Variants in GSK3B observed in about 807,000 individuals in gnomAD.
The protein encoded by GSK3B is glycogen synthase kinase-3 beta.
GSK3B carries 15 observed loss-of-function variants against 56.4 expected under a neutral mutation model. The ratio of observed to expected loss-of-function variants is 0.27; its 90% CI spans 0.18 to 0.41. GSK3B has a LOEUF of 0.41. Ranked by LOEUF, GSK3B falls within the 10% of genes least tolerant of loss-of-function variation. GSK3B has a pLI of 1.00. For missense variants in GSK3B, 300 were observed against 513.4 expected (o/e 0.58, Z 4.02); for synonymous variants, 181 against 188.9 (o/e 0.96, Z 0.34).
At chr3:119,990,339 C>A (rs940172415) in intron 2 of GSK3B, among the ~76,000 whole-genome samples, 1 of 152,122 alleles carries the variant, frequency 6.6e-6, no homozygotes, top group Non-Finnish European at 1.5e-5. Flanking sequence ...CACCCTAAAA[C>A]CAATATATAC....
At chr3:119,866,553 G>A (rs2056185197) in intron 8 of GSK3B, 2 of 1,391,562 alleles carry the variant, frequency 1.4e-6, no homozygotes, top group Non-Finnish European at 2.0e-6. Context: ...TTATAGACCT[G>A]CCCTGAAATT....
rs188653901 is a variant in GSK3B at position 119,973,417 on chromosome 3, G to A, written c.283-26066C>T. ...ATATACTACCTGCCCGTTAGTCATC[G>A]GCATTGTCTGCTCTTGACGTCTAAC... On this transcript the variant is annotated intron_variant, in intron 2 of 10. Transcript: ENST00000264235. Among the ~76,000 whole-genome samples, 148 of 152,190 alleles carry A rather than the reference G, an allele frequency of 9.7e-4. 1 individual carries two copies. Among genetic ancestry groups the A allele is most frequent in the African/African-American group, 3.4e-3 (143 of 41,520 alleles).
intron 2 of GSK3B, among the ~76,000 whole-genome samples, chr3:119,963,421 ACTC>A (rs1473676336): frequency 1.3e-5 from 2 of 152,070 alleles, no homozygotes; most frequent in Non-Finnish European, 2.9e-5. Flanking sequence ...GAGGCATCAC[ACTC>A]CTCATTTCAA....
chr3:119,994,932 T>C (rs2107472022), intron 2 of GSK3B, among the ~76,000 whole-genome samples: 1 of 152,280 alleles, frequency 6.6e-6, no homozygotes, highest in Non-Finnish European at 1.5e-5. Flanking sequence ...TTATAATTAT[T>C]ATGTGGTTAC....
At chr3:120,024,677 GAAGT>G (rs2057908667) in intron 1 of GSK3B, among the ~76,000 whole-genome samples, 1 of 152,256 alleles carries the variant, frequency 6.6e-6, no homozygotes, top group Admixed American at 6.5e-5. Context: ...GATAATAACT[GAAGT>G]AAGAGGTACA....
At chr3:119,902,109 A>G (rs925589196) in intron 7 of GSK3B, among the ~76,000 whole-genome samples, 1 of 152,204 alleles carries the variant, frequency 6.6e-6, no homozygotes, top group Non-Finnish European at 1.5e-5. Flanking sequence ...ACCACCTTTA[A>G]GAAAATTTCA....
intron 7 of GSK3B, among the ~76,000 whole-genome samples, chr3:119,889,723 T>G (rs1335317764): frequency 6.6e-6 from 1 of 152,056 alleles, no homozygotes; most frequent in Non-Finnish European, 1.5e-5. Context: ...TGAATGTAAA[T>G]AGTCTAAGTA....
chr3:119,938,532 C>T (rs1164965538), intron 3 of GSK3B, among the ~76,000 whole-genome samples: 2 of 151,850 alleles, frequency 1.3e-5, no homozygotes, highest in Non-Finnish European at 2.9e-5. Context: ...GGAAAAAACC[C>T]CACACGATCA....
At chr3:119,911,578 C>A (rs528296230) in intron 6 of GSK3B, among the ~76,000 whole-genome samples, 1 of 152,128 alleles carries the variant, frequency 6.6e-6, no homozygotes, top group African/African-American at 2.4e-5. Context: ...AAGTCCTAAA[C>A]GGTATCTTCT....
chr3:120,064,188 A>C (rs1393718612), intron 1 of GSK3B, among the ~76,000 whole-genome samples: 1 of 151,774 alleles, frequency 6.6e-6, no homozygotes. Context: ...AGAGAAAAAA[A>C]GTATAAAGCT....
intron 1 of GSK3B, among the ~76,000 whole-genome samples, chr3:120,012,895 T>C (rs780258539): frequency 2.6e-5 from 4 of 152,124 alleles, no homozygotes; most frequent in South Asian, 2.1e-4. Context: ...GTTGCCCAGG[T>C]TGGTCTCTAA....
chr3:119,863,774 T>C (rs950874767), intron 8 of GSK3B, among the ~76,000 whole-genome samples, 169 bp from the exon 9 acceptor site: 4 of 152,150 alleles, frequency 2.6e-5, no homozygotes, highest in Admixed American at 1.3e-4. Flanking sequence ...CAGGGGTGAA[T>C]TGCTAATTAA....
intron 9 of GSK3B, among the ~76,000 whole-genome samples, chr3:119,859,762 A>AC (rs916671349): frequency 1.3e-4 from 20 of 151,356 alleles, no homozygotes; most frequent in Non-Finnish European, 2.5e-4. Context: ...AGATACTCTT[A>AC]CCCCCCGCCC....
At chr3:119,843,955 AG>A (rs1348381338) in intron 9 of GSK3B, among the ~76,000 whole-genome samples, 1 of 152,190 alleles carries the variant, frequency 6.6e-6, no homozygotes, top group Non-Finnish European at 1.5e-5. Flanking sequence ...GCCAAAGAAC[AG>A]AAATCATAAC....
At chr3:119,901,906 T>C (rs28516957) in intron 7 of GSK3B, among the ~76,000 whole-genome samples, 43,324 of 152,032 alleles carry the variant, frequency 0.28, 7,904 homozygotes, top group African/African-American at 0.53. Context: ...TGCTTAAACT[T>C]AAATTCAGAG....
At chr3:119,918,345 C>T (rs150692708) in intron 4 of GSK3B, among the ~76,000 whole-genome samples, 85 of 151,450 alleles carry the variant, frequency 5.6e-4, no homozygotes, top group African/African-American at 2.0e-3. Flanking sequence ...TGGTGGTGCA[C>T]GCCTGTAATC....
At chr3:119,992,297 C>A (rs2057573084) in intron 2 of GSK3B, among the ~76,000 whole-genome samples, 1 of 151,882 alleles carries the variant, frequency 6.6e-6, no homozygotes, top group African/African-American at 2.4e-5. Context: ...AATGGAAAGT[C>A]CAGAAATAGA....
chr3:120,087,583 C>T (rs1216839419), intron 1 of GSK3B, among the ~76,000 whole-genome samples: 1 of 151,340 alleles, frequency 6.6e-6, no homozygotes, highest in East Asian at 1.9e-4. Context: ...AAATAAGAAT[C>T]AAGAAATTAA....
chr3:119,896,302 G>T (rs1343702775), intron 7 of GSK3B, among the ~76,000 whole-genome samples: 1 of 151,734 alleles, frequency 6.6e-6, no homozygotes, highest in Non-Finnish European at 1.5e-5. Context: ...TTCATTTTTG[G>T]TTGATACATA....
Sources: allele counts gnomAD v4.1 joint callset (sites outside exome capture counted in the v4.1 genomes callset), GRCh38; gene constraint gnomAD v4.1.1; transcripts MANE v1.5; gene names NCBI Gene and HGNC (gene_info 2026-07-23, HGNC 2026-07-21).